The following STIM2 variants were observed in gnomAD, a reference collection of about 807,000 sequenced individuals.
STIM2 encodes stromal interaction molecule 2.
A neutral mutation model predicts 85.8 loss-of-function variants in STIM2; 31 were observed. The observed-to-expected ratio is 0.36, with a 90% CI of 0.27 to 0.49. The LOEUF is 0.49. STIM2 is among the 20% of genes least tolerant of loss of function. The pLI, the probability that STIM2 is intolerant of heterozygous loss-of-function variation, is 0.98. For synonymous variants in STIM2, 356 were observed against 331.1 expected, an observed-to-expected ratio of 1.08 and a Z score of -0.82; for missense variants, 841 against 927.6, an observed-to-expected ratio of 0.91 and a Z score of 1.21.
intron 1 of STIM2, chr4:26,861,695 ATTTTT>A (rs57976994): frequency 1.6e-4 from 20 of 124,120 alleles, no homozygotes; most frequent in East Asian, 2.5e-4. Context: ...GACTGGGCTG[ATTTTT>A]TTTTTTTTTT....
rs923965863 is a variant in STIM2 at position 26,975,312 on chromosome 4, G to A, written c.397+17586G>A. On this transcript the variant is annotated intron_variant, in intron 3 of 11. Transcript: ENST00000467087. The stretch of plus-strand genomic sequence containing the variant: ...CGAGGAGCTGCAATCCTTTGGAGGA[G>A]AAGGGGCACTCTGGTTTTTAGAATT... Among the ~76,000 whole-genome samples, 30 of 152,212 alleles carry A rather than the reference G, an allele frequency of 2.0e-4. 1 individual carries two copies. Among genetic ancestry groups the A allele is most frequent in the Admixed American group, 1.2e-3 (18 of 15,288 alleles).
intron 1 of STIM2, among the ~76,000 whole-genome samples, chr4:26,898,575 T>C (rs894927919): frequency 6.6e-6 from 1 of 152,202 alleles, no homozygotes; most frequent in Non-Finnish European, 1.5e-5. Flanking sequence ...TTCTGATTTA[T>C]TCTGCATTTA....
intron 1 of STIM2, among the ~76,000 whole-genome samples, chr4:26,872,023 T>C (rs187538162): frequency 6.6e-6 from 1 of 152,358 alleles, no homozygotes; most frequent in African/African-American, 2.4e-5. Context: ...TTACTCTGTG[T>C]GTGCTTAGAA....
intron 1 of STIM2, among the ~76,000 whole-genome samples, chr4:26,885,859 A>ATATATATGTGTATATATATATATATG (rs1560194659): frequency 1.1e-5 from 1 of 89,440 alleles, no homozygotes; most frequent in Non-Finnish European, 2.3e-5. Context: ...ATATATATAT[A>ATATATATGTGTATATATATATATATG]TATATATATA....
At chr4:26,922,804 C>T (rs1724853070) in intron 2 of STIM2, among the ~76,000 whole-genome samples, 1 of 152,118 alleles carries the variant, frequency 6.6e-6, no homozygotes, top group African/African-American at 2.4e-5. Context: ...ACTTTGTTAG[C>T]ATAAACTCAG....
At chr4:26,942,536 G>A (rs1725650103) in intron 2 of STIM2, among the ~76,000 whole-genome samples, 1 of 151,994 alleles carries the variant, frequency 6.6e-6, no homozygotes, top group South Asian at 2.1e-4. Context: ...TTAGGCTTTT[G>A]ACTTCATTAC....
intron 3 of STIM2, among the ~76,000 whole-genome samples, chr4:26,987,119 T>C (rs1666049014): frequency 6.6e-6 from 1 of 152,220 alleles, no homozygotes; most frequent in South Asian, 2.1e-4. Context: ...GTGTCTTTTT[T>C]GGAAGGCTGC....
chr4:26,891,372 T>C (rs1723471506), intron 1 of STIM2, among the ~76,000 whole-genome samples: 1 of 152,194 alleles, frequency 6.6e-6, no homozygotes, highest in Non-Finnish European at 1.5e-5. Context: ...TCTAGCTTGC[T>C]AGCTTGCTCT....
chr4:26,993,816 G>C (rs1158891111), intron 3 of STIM2, among the ~76,000 whole-genome samples: 1 of 152,122 alleles, frequency 6.6e-6, no homozygotes, highest in East Asian at 1.9e-4. Flanking sequence ...TACTTTCAGA[G>C]TAGTATAAAG....
chr4:26,969,072 G>T (rs374261153), intron 3 of STIM2, among the ~76,000 whole-genome samples: 13 of 152,230 alleles, frequency 8.5e-5, no homozygotes, highest in African/African-American at 3.1e-4. Flanking sequence ...AAAAGATTTT[G>T]TTAGGCTAAT....
intron 3 of STIM2, among the ~76,000 whole-genome samples, chr4:26,991,830 T>A (rs1480050959): frequency 6.6e-6 from 1 of 152,056 alleles, no homozygotes; most frequent in Non-Finnish European, 1.5e-5. Context: ...AGTCTTAGAA[T>A]AAATTGCCAA....
Position 26,999,235 on chromosome 4 carries a change from A to G in STIM2, c.513A>G (p.Ile171Met). ...TGTGTGTTTTTCAAATAAACAGGAT[A>G]GCAGTGCACGAACCTTCATTTATGA... The change falls in exon 5 of 12, where the codon ATA becomes ATG. Residue 171 changes from isoleucine to methionine, a missense_variant. By Grantham distance (10) the Ile-to-Met change is conservative. Transcript: ENST00000467087. The G allele has an allele frequency of 6.3e-7, 1 of 1,582,118 alleles. No individual in the cohort carries two copies. Among genetic ancestry groups the G allele is most frequent in the South Asian group, 1.1e-5 (1 of 88,720 alleles).
chr4:26,988,573 C>G (rs186627270), intron 3 of STIM2, among the ~76,000 whole-genome samples: 1 of 152,124 alleles, frequency 6.6e-6, no homozygotes, highest in African/African-American at 2.4e-5. Context: ...TGTTCCTGCA[C>G]AATGTTTAAC....
intron 1 of STIM2, among the ~76,000 whole-genome samples, chr4:26,905,169 A>G (rs1319442553): frequency 2.0e-5 from 3 of 152,170 alleles, no homozygotes; most frequent in African/African-American, 4.8e-5. Flanking sequence ...CCAGAAAGTT[A>G]TGGTATGTTT....
intron 10 of STIM2, among the ~76,000 whole-genome samples, chr4:27,014,706 T>C (rs912683108): frequency 4.6e-5 from 7 of 151,946 alleles, no homozygotes; most frequent in African/African-American, 1.4e-4. Context: ...GGTGTTAGGA[T>C]AAAATCTTCT....
At chr4:26,907,249 G>A (rs931613409) in intron 1 of STIM2, among the ~76,000 whole-genome samples, 3 of 151,994 alleles carry the variant, frequency 2.0e-5, no homozygotes, top group Non-Finnish European at 4.4e-5. Flanking sequence ...AAGAGTTGAA[G>A]TAAACACTTA....
chr4:26,981,147 A>G (rs1031210746), intron 3 of STIM2, among the ~76,000 whole-genome samples: 1 of 152,186 alleles, frequency 6.6e-6, no homozygotes, highest in Non-Finnish European at 1.5e-5. Flanking sequence ...CACTTACTAG[A>G]TTTGTGACAT....
chr4:27,009,083 T>A, intron 10 of STIM2, 81 bp downstream of exon 10: 1 of 1,229,020 alleles, frequency 8.1e-7, no homozygotes, highest in Non-Finnish European at 1.1e-6. Flanking sequence ...ATCATGTACT[T>A]CGAAATCTGT....
intron 4 of STIM2, 147 bp downstream of exon 4, chr4:26,995,637 A>T (rs1004277375): frequency 1.2e-4 from 47 of 385,894 alleles, no homozygotes; most frequent in African/African-American, 9.0e-4. Context: ...TTTCTAAATT[A>T]TGCATTTTCA....
Sources: allele counts gnomAD v4.1 joint callset (sites outside exome capture counted in the v4.1 genomes callset), GRCh38; gene constraint gnomAD v4.1.1; transcripts MANE v1.5; gene names NCBI Gene and HGNC (gene_info 2026-07-23, HGNC 2026-07-21).